FAM149A: variants seen among roughly 807,000 people sequenced by gnomAD.
FAM149A encodes family with sequence similarity 149 member A, also known as protein FAM149A.
A neutral mutation model predicts 78.2 loss-of-function variants in FAM149A; 71 were observed. That is an observed-to-expected ratio of 0.91 (90% CI 0.75 to 1.11). The LOEUF is 1.11. Ranked by LOEUF, FAM149A falls within the 50% of genes least tolerant of loss-of-function variation. The pLI, the probability that FAM149A is intolerant of heterozygous loss-of-function variation, is 0.00. For synonymous variants in FAM149A, 446 were observed against 410.5 expected, an observed-to-expected ratio of 1.09 and a Z score of -1.04; for missense variants, 1,036 against 971.0, an observed-to-expected ratio of 1.07 and a Z score of -0.89.
rs1733317746 is a variant in FAM149A at position 186,149,705 on chromosome 4, G to A, written c.789+1G>A. On this transcript the variant is annotated splice_donor_variant, in intron 3 of 13. Transcript: ENST00000389354. LOFTEE classifies it high-confidence loss of function. ...CTCCGTTTATTCCTGGAGAGATGAC[G>A]TATGTCTCAGAATATTTTGGATAAT... 1.6e-6 allele frequency: 2 copies of A among 1,272,088 alleles called. No individual in the cohort carries two copies. The highest frequency in any genetic ancestry group is 2.0e-6 in the Non-Finnish European group (2 of 982,914). 78.8% of individuals were successfully genotyped at this position (1,272,088 alleles called of 1,614,324 possible).
At chr4:186,145,246 C>T (rs1043460360) in intron 1 of FAM149A, 1 of 703,778 alleles carries the variant, frequency 1.4e-6, no homozygotes, top group Non-Finnish European at 1.7e-6. Flanking sequence ...AGGCCGGCCC[C>T]GGGCATGGCT....
intron 13 of FAM149A, chr4:186,169,375 A>C (rs138641531): frequency 2.2e-5 from 22 of 985,266 alleles, no homozygotes; most frequent in Non-Finnish European, 2.7e-5. Flanking sequence ...ATGTTGGTGC[A>C]ATGAGGCGCG....
At chr4:186,130,871 G>C (rs1579821612) in intron 1 of FAM149A, among the ~76,000 whole-genome samples, 1 of 152,296 alleles carries the variant, frequency 6.6e-6, no homozygotes, top group Admixed American at 6.5e-5. Flanking sequence ...TGGATGTTTG[G>C]TTGCTGCAAA....
intron 1 of FAM149A, chr4:186,109,781 A>G (rs1255551125): frequency 3.0e-6 from 3 of 983,614 alleles, no homozygotes; most frequent in South Asian, 4.7e-5. Context: ...ATGATTCATT[A>G]TATTTACCAT....
chr4:186,153,765 C>T lies in FAM149A; in HGVS notation c.1053C>T (p.Ile351=), dbSNP rs755856137. The T allele has an allele frequency of 1.0e-5, 16 of 1,606,168 alleles. No individual in the cohort carries two copies. In the South Asian group the frequency reaches 1.8e-4, roughly 18 times the overall value. Residue 351 remains isoleucine (I), a synonymous_variant, in exon 5 of 14, where the codon ATC becomes ATT. Coordinates refer to ENST00000389354, the MANE Select transcript of FAM149A (RefSeq NM_001367768.3). ...GTGCCTGCGGACACAGCAGCAACAT[C>T]AGAGAGTATGTTCAGATAAGTGACT...
intron 1 of FAM149A, among the ~76,000 whole-genome samples, chr4:186,143,602 G>T (rs1377926933): frequency 6.6e-6 from 1 of 152,024 alleles, no homozygotes; most frequent in Non-Finnish European, 1.5e-5. Flanking sequence ...CCTGGAGTGG[G>T]TGGGGCGATC....
chr4:186,150,500 A>G (rs1292895478), intron 3 of FAM149A, among the ~76,000 whole-genome samples: 1 of 130,366 alleles, frequency 7.7e-6, no homozygotes, highest in African/African-American at 2.9e-5. Flanking sequence ...GCTCACTGCA[A>G]GCTCCGCCTC....
intron 8 of FAM149A, 142 bp downstream of exon 8, chr4:186,157,861 A>T (rs538448270): frequency 5.2e-6 from 8 of 1,546,062 alleles, no homozygotes; most frequent in Middle Eastern, 3.3e-4. Flanking sequence ...CAGGCTTTCC[A>T]TGGTAACTTA....
At chr4:186,137,611 AAG>A (rs1203926034) in intron 1 of FAM149A, among the ~76,000 whole-genome samples, 4 of 152,040 alleles carry the variant, frequency 2.6e-5, no homozygotes, top group South Asian at 4.1e-4. Context: ...ATAGTGATGA[AAG>A]AGGGGAAATG....
chr4:186,162,987 C>T (rs1579924500), intron 9 of FAM149A, 39 bp downstream of exon 9: 2 of 1,166,144 alleles, frequency 1.7e-6, no homozygotes, highest in East Asian at 4.7e-5. Flanking sequence ...CAGCCTCTTC[C>T]CTGTGCTGCA....
chr4:186,113,309 G>A (rs1475082681), intron 1 of FAM149A, among the ~76,000 whole-genome samples: 4 of 124,798 alleles, frequency 3.2e-5, no homozygotes, highest in Admixed American at 1.8e-4. Flanking sequence ...TCTTGCTAGG[G>A]GTCTATCAAT....
At position 186,163,437 on chromosome 4, in the gene FAM149A, G is replaced by A; in HGVS notation, c.1693G>A (p.Asp565Asn). Residue 565 changes from aspartate (D) to asparagine (N), a missense_variant, in exon 10 of 14, where the codon GAC becomes AAC. Transcript: ENST00000389354. ...TTTCCTTCCCAGGAATGAGAAGGAG[G>A]ACAAAGCATCGGGTGGAGGGGCAGG... 5.0e-6 allele frequency: 8 copies of A among 1,613,530 alleles called. No homozygotes were observed. The highest frequency in any genetic ancestry group is 6.8e-6 in the Non-Finnish European group (8 of 1,179,974).
At position 186,167,189 on chromosome 4, in the gene FAM149A, T is replaced by TA. The variant is rs773824370; in HGVS notation, c.2146dup (p.Thr716AsnfsTer31). 1 of 1,610,256 alleles carries TA rather than the reference T, an allele frequency of 6.2e-7. No individual in the cohort carries two copies. Among genetic ancestry groups the TA allele is most frequent in the East Asian group, 2.2e-5 (1 of 44,784 alleles). On this transcript the variant is annotated frameshift_variant, in exon 13 of 14. Coordinates refer to ENST00000389354, the MANE Select transcript of FAM149A (RefSeq NM_001367768.3). LOFTEE classifies it high-confidence loss of function. ...TTTTATTTTTCTTCCAGCAGTCGGA[T>TA]ACGCCTCGAAAAAGTTCATTGACAC...
At chr4:186,133,424 A>AGGGACCTTATATATATAAGGTAATT (rs1416271550) in intron 1 of FAM149A, 3 of 153,420 alleles carry the variant, frequency 2.0e-5, no homozygotes, top group Non-Finnish European at 1.4e-5. Flanking sequence ...TGACTACTTT[A>AGGGACCTTATATATATAAGGTAATT]GGGACCTTAT....
At chr4:186,150,586 A>ATT (rs530067117) in intron 3 of FAM149A, among the ~76,000 whole-genome samples, 3 of 119,746 alleles carry the variant, frequency 2.5e-5, no homozygotes, top group Non-Finnish European at 5.2e-5. Flanking sequence ...CGCCCGGCTA[A>ATT]TTTTTTGTAT....
At chr4:186,146,727 G>T in intron 1 of FAM149A, 1 of 925,792 alleles carries the variant, frequency 1.1e-6, no homozygotes. Flanking sequence ...GCTGCCCAAA[G>T]AAGAGCTGTG....
At chr4:186,108,045 G>T (rs981801807) in intron 1 of FAM149A, among the ~76,000 whole-genome samples, 39 of 152,170 alleles carry the variant, frequency 2.6e-4, no homozygotes, top group Non-Finnish European at 3.2e-4. Flanking sequence ...CTGGATTTCT[G>T]TGGTAGTGAT....
chr4:186,144,035 TTG>T lies in FAM149A; in HGVS notation c.567-5136_567-5135del, dbSNP rs1193735231. The T allele has an allele frequency of 2.0e-5, 3 of 152,032 alleles. No homozygotes were observed. The highest frequency in any genetic ancestry group is 7.3e-5 in the African/African-American group (3 of 41,370). 9.4% of individuals were successfully genotyped at this position (152,032 alleles called of 1,614,324 possible). On this transcript the variant is annotated intron_variant, in intron 1 of 13. Coordinates refer to ENST00000389354, the MANE Select transcript of FAM149A (RefSeq NM_001367768.3). The surrounding 1 kb of genome is among the most constrained non-coding windows in gnomAD (Gnocchi z 4.2). ...GGCTACGGCAGGACGGGGATGAGTG[TTG>T]TACCGGCACCCAGTGCACTAACTGT...
chr4:186,134,836 A>AG (rs2099322071), intron 1 of FAM149A, among the ~76,000 whole-genome samples: 1 of 152,126 alleles, frequency 6.6e-6, no homozygotes, highest in East Asian at 1.9e-4. Context: ...TGGAATACGA[A>AG]GGCTTTCATT....
Sources: allele counts gnomAD v4.1 joint callset (sites outside exome capture counted in the v4.1 genomes callset), GRCh38; gene constraint gnomAD v4.1.1; non-coding constraint Gnocchi (gnomAD v3.1); transcripts MANE v1.5; gene names NCBI Gene and HGNC (gene_info 2026-07-23, HGNC 2026-07-21).